ADGRB1: variants seen among roughly 807,000 people sequenced by gnomAD.
The protein encoded by ADGRB1 is adhesion G protein-coupled receptor B1.
In ADGRB1, 36 loss-of-function variants were observed where a neutral mutation model predicts 175.7. The observed-to-expected ratio is 0.20, with a 90% confidence interval of 0.16 to 0.27. ADGRB1 has a LOEUF of 0.27. ADGRB1 is among the 10% of genes least tolerant of loss of function. ADGRB1 has a pLI of 1.00. For missense variants in ADGRB1, 1,731 were observed against 2,255.3 expected (o/e 0.77, Z 4.71); for synonymous variants, 1,054 against 979.4 (o/e 1.08, Z -1.42).
intron 21 of ADGRB1, 55 bp downstream of exon 21, chr8:142,522,170 TTG>T (rs1843890263): frequency 5.7e-6 from 9 of 1,578,908 alleles, no homozygotes; most frequent in Non-Finnish European, 7.7e-6. Flanking sequence ...CCCCCACTGC[TTG>T]TTCTGTCCTG....
In ADGRB1 at chr8:142,484,691, G is replaced by C; in HGVS notation, c.2235G>C (p.Val745=). ...GPNAKELFRL[V]EDFVDVIGFR... is the part of the protein sequence containing the mutation. ...ACGCCAAGGAGCTGTTCCGGCTGGT[G>C]GAGGACTTTGTGGACGTCATCGGCT... The change falls in exon 13 of 31, where the codon GTG becomes GTC. Residue 745 remains valine, a synonymous_variant. Coordinates refer to ENST00000517894, the MANE Select transcript of ADGRB1 (RefSeq NM_001702.3). The C allele has an allele frequency of 3.1e-6, 5 of 1,611,906 alleles. No homozygotes were observed. Among genetic ancestry groups the C allele is most frequent in the Non-Finnish European group, 3.4e-6 (4 of 1,179,276 alleles).
Position 142,544,790 on chromosome 8 carries a change from G to A in ADGRB1, c.*373G>A, listed in dbSNP as rs372124526. 38 of 167,786 alleles carry A rather than the reference G, an allele frequency of 2.3e-4. No individual in the cohort carries two copies. In the South Asian group the frequency reaches 2.8e-3, roughly 12 times the overall value. The allele number at this position is 167,786 out of a possible 1,614,324, so 10.4% of individuals were successfully genotyped here. A position where few individuals can be genotyped will look rare whatever the true frequency, so the allele number is the denominator to read the frequency against. On this transcript the variant is annotated 3_prime_UTR_variant, in exon 31 of 31. Coordinates refer to ENST00000517894, the MANE Select transcript of ADGRB1 (RefSeq NM_001702.3). ...GAGGAGCTGCCTGCTTGGCCCGGCC[G>A]GCCTGGCACCGTTTTTTAAACACCC...
rs540893731 is a variant in ADGRB1 at position 142,488,616 on chromosome 8, C to T, written c.2452+109C>T. On this transcript the variant is annotated intron_variant, in intron 14 of 30. Transcript: ENST00000517894. ...GCTGCTGCCTCAGAGTTGGGCGGTTCTCAAGGGGGTCCTCTTTTCCAGGAA... is the reference window on the plus strand; with the variant it reads ...GCTGCTGCCTCAGAGTTGGGCGGTTTTCAAGGGGGTCCTCTTTTCCAGGAA... The T allele has an allele frequency of 3.7e-4, 521 of 1,410,066 alleles. No individual in the cohort carries two copies. The African/African-American group carries it at 6.4e-3, about 17-fold the overall frequency. The allele number at this position is 1,410,066 out of a possible 1,614,324, so 87.3% of individuals were successfully genotyped here.
At chr8:142,515,322 A>G (rs921919018) in intron 18 of ADGRB1, among the ~76,000 whole-genome samples, 3 of 152,008 alleles carry the variant, frequency 2.0e-5, no homozygotes, top group Admixed American at 1.3e-4. Context: ...GTCTTGGTCT[A>G]CCCCTCCTAG....
rs1285895882 is a variant in ADGRB1 at position 142,481,709 on chromosome 8, C to G, written c.2128C>G (p.Gln710Glu). 1 of 1,558,702 alleles carries G rather than the reference C, an allele frequency of 6.4e-7. No homozygotes were observed. ...CTACAGCCCCACCCCTGGGGACGTA[C>G]AGGTGGGCTCCCCGAGCGGCATTTT... is the stretch of plus-strand genomic sequence containing the variant. Reference protein sequence around the residue: ...AYYSPTPGDVQNFVQILSNLL... With the variant: ...AYYSPTPGDVENFVQILSNLL... Residue 710 changes from glutamine (Q) to glutamate (E), a missense_variant and splice_region_variant, in exon 11 of 31, where the codon CAG becomes GAG. Physicochemically the swap from Gln to Glu is conservative, Grantham distance 29. Around this residue, in one of 8 missense-constraint regions of ADGRB1, gnomAD observed 388 missense variants for 630.9 expected, o/e 0.61. Coordinates refer to ENST00000517894, the MANE Select transcript of ADGRB1 (RefSeq NM_001702.3).
chr8:142,535,227 G>A (rs946202130), intron 25 of ADGRB1, among the ~76,000 whole-genome samples: 5 of 152,296 alleles, frequency 3.3e-5, no homozygotes, highest in Admixed American at 1.3e-4. Context: ...AGGAGACAGC[G>A]GAGAGGAGGG....
chr8:142,495,688 C>T (rs1842179707), intron 17 of ADGRB1, among the ~76,000 whole-genome samples: 1 of 152,046 alleles, frequency 6.6e-6, no homozygotes, highest in Admixed American at 6.6e-5. Context: ...TCTTGTGTAT[C>T]TCTGTACTTT....
In ADGRB1 at chr8:142,478,268, G is replaced by A. The variant is rs1841106017; in HGVS notation, c.1469G>A (p.Arg490His). ...SASCSQGRQQ[R>H]TRECNGPSYG... is the part of the protein sequence containing the mutation. ...AGCTGCTCCCAGGGCCGACAGCAGC[G>A]CACGCGTGAATGCAACGGGCCTTCC... Residue 490 changes from arginine to histidine, a missense_variant, in exon 7 of 31, where the codon CGC becomes CAC. By Grantham distance (29) the Arg-to-His change is conservative. Around this residue, in one of 8 missense-constraint regions of ADGRB1, gnomAD observed 388 missense variants for 630.9 expected, o/e 0.61. Transcript: ENST00000517894. The A allele has an allele frequency of 3.1e-6, 5 of 1,609,940 alleles. No homozygotes were observed. Among genetic ancestry groups the A allele is most frequent in the Non-Finnish European group, 4.2e-6 (5 of 1,178,766 alleles).
rs1166669284 is a variant in ADGRB1 at position 142,464,169 on chromosome 8, C to T, written c.-30C>T. 8.0e-7 allele frequency: 1 copy of T among 1,255,808 alleles called. No homozygotes were observed. The highest frequency in any genetic ancestry group is 3.3e-5 in the East Asian group (1 of 30,746). 77.8% of individuals were successfully genotyped at this position (1,255,808 alleles called of 1,614,324 possible). A position where few individuals can be genotyped will look rare whatever the true frequency, so the allele number is the denominator to read the frequency against. On this transcript the variant is annotated 5_prime_UTR_variant, in exon 2 of 31. Coordinates refer to ENST00000517894, the MANE Select transcript of ADGRB1 (RefSeq NM_001702.3). ...CTGGTCCGCGCCTGCCTGCCCAGCC[C>T]GCGGAACCCCGGCGGCCCCGCGAGC...
chr8:142,521,890 G>T, intron 20 of ADGRB1, 75 bp from the exon 21 acceptor site: 1 of 1,505,652 alleles, frequency 6.6e-7, no homozygotes, highest in South Asian at 1.2e-5. Flanking sequence ...GCCAGCTGCA[G>T]ACAGGCACTC....
At chr8:142,488,239 C>T in intron 13 of ADGRB1, 125 bp from the exon 14 acceptor site, 1 of 1,367,018 alleles carries the variant, frequency 7.3e-7, no homozygotes, top group Non-Finnish European at 1.0e-6. Flanking sequence ...TGCCTCTGAG[C>T]CATGGGCACC....
chr8:142,489,159 G>A lies in ADGRB1; in HGVS notation c.2528+49G>A, dbSNP rs1327599220. ...GTGGGCAGTGCAGGGCAGGTGGGGT[G>A]GGCAGGACCCCAGCCACAGGATGTG... On this transcript the variant is annotated intron_variant, in intron 15 of 30. Coordinates refer to ENST00000517894, the MANE Select transcript of ADGRB1 (RefSeq NM_001702.3). 1.9e-6 allele frequency: 3 copies of A among 1,557,800 alleles called. No individual in the cohort carries two copies. In the East Asian group the frequency reaches 7.0e-5, roughly 36 times the overall value.
chr8:142,536,422 T>C (rs1319264391), intron 25 of ADGRB1, among the ~76,000 whole-genome samples: 1 of 152,168 alleles, frequency 6.6e-6, no homozygotes, highest in East Asian at 1.9e-4. Context: ...TAGCCCCTCC[T>C]ACAGAGTCTG....
chr8:142,457,725 C>T (rs1839757349), intron 1 of ADGRB1, among the ~76,000 whole-genome samples: 1 of 152,180 alleles, frequency 6.6e-6, no homozygotes, highest in Non-Finnish European at 1.5e-5. Flanking sequence ...GGGGGTCACC[C>T]TGTCGGGGGG....
chr8:142,488,342 C>G (rs752476126), intron 13 of ADGRB1, 22 bp from the exon 14 acceptor site: 2 of 1,612,344 alleles, frequency 1.2e-6, no homozygotes, highest in African/African-American at 2.7e-5. Context: ...TCTGTCTCTC[C>G]CGCCTTTGAC....
chr8:142,476,605 C>A lies in ADGRB1; in HGVS notation c.967C>A (p.Arg323=). The change falls in exon 4 of 31, where the codon CGG becomes AGG. Residue 323 remains arginine (R), a synonymous_variant. Transcript: ENST00000517894. ...ACGPAGRTSS[R]SQSLRSTDAR... is the part of the protein sequence containing the mutation. ...TGCAGCCGCTGGGCGCACCAGCTCC[C>A]GGAGCCAGTCCCTGCGGTCCACAGA... 1.3e-6 allele frequency: 2 copies of A among 1,548,790 alleles called. No individual in the cohort carries two copies. Among genetic ancestry groups the A allele is most frequent in the Non-Finnish European group, 1.7e-6 (2 of 1,146,480 alleles).
chr8:142,490,665 C>T lies in ADGRB1; in HGVS notation c.2632-107C>T, dbSNP rs1293082983. ...AACGCAGTCTGTTCAGGGACCCGCA[C>T]AGGTAGCATGCCTGGTAGCACACCT... On this transcript the variant is annotated intron_variant, in intron 16 of 30. Coordinates refer to ENST00000517894, the MANE Select transcript of ADGRB1 (RefSeq NM_001702.3). The T allele has an allele frequency of 6.0e-6, 8 of 1,324,298 alleles. No individual in the cohort carries two copies. In the East Asian group the frequency reaches 1.5e-4, roughly 25 times the overall value. The allele number at this position is 1,324,298 out of a possible 1,614,324, so 82.0% of individuals were successfully genotyped here.
chr8:142,484,822 C>G, intron 13 of ADGRB1, 58 bp downstream of exon 13: 1 of 1,323,022 alleles, frequency 7.6e-7, no homozygotes, highest in Non-Finnish European at 1.1e-6. Context: ...CTGGGCCAGG[C>G]CCTTCTGCCT....
chr8:142,484,089 C>G (rs776855875), intron 12 of ADGRB1, 44 bp downstream of exon 12: 1 of 1,559,382 alleles, frequency 6.4e-7, no homozygotes, highest in East Asian at 2.3e-5. Context: ...AGGAGGGGTG[C>G]AGGCACAGCT....
Sources: allele counts gnomAD v4.1 joint callset (sites outside exome capture counted in the v4.1 genomes callset), GRCh38; gene constraint gnomAD v4.1.1; regional missense constraint gnomAD v4.1.1; transcripts MANE v1.5; gene names NCBI Gene and HGNC (gene_info 2026-07-23, HGNC 2026-07-21).